MACROD2: variants seen among roughly 807,000 people sequenced by gnomAD.
MACROD2 encodes the protein mono-ADP ribosylhydrolase 2.
MACROD2 carries 36 observed loss-of-function variants against 70.4 expected under a neutral mutation model. That is an observed-to-expected ratio of 0.51 (90% CI 0.39 to 0.68). The LOEUF (loss-of-function observed/expected upper bound fraction) is 0.68, where lower values mean the gene tolerates loss of function less well. MACROD2 is among the 30% of genes least tolerant of loss of function. MACROD2 has a pLI of 0.00. For synonymous variants in MACROD2, 172 were observed against 178.8 expected (o/e 0.96, Z 0.30); for missense variants, 496 against 538.4 (o/e 0.92, Z 0.78).
chr20:15,767,564 T>C (rs1300511811), intron 8 of MACROD2, among the ~76,000 whole-genome samples: 1 of 152,224 alleles, frequency 6.6e-6, no homozygotes, highest in Non-Finnish European at 1.5e-5. Flanking sequence ...CCACCTTGTA[T>C]TGATTATCTT....
chr20:14,843,169 T>TC lies in MACROD2; in HGVS notation c.418+158210_418+158211insC, dbSNP rs968333539. 6.7e-5 allele frequency among the ~76,000 whole-genome samples: 10 copies of TC among 150,008 alleles called. 1 individual carries two copies. Among genetic ancestry groups the TC allele is most frequent in the Non-Finnish European group, 1.5e-4 (10 of 67,214 alleles). ...CTCATTTCATGTTCATTAACTTTTT[T>TC]TTTTTTTTTTTTTGCTGCCTCTAGG... is the stretch of plus-strand genomic sequence containing the variant. On this transcript the variant is annotated intron_variant, in intron 5 of 17. Transcript: ENST00000684519.
intron 4 of MACROD2, among the ~76,000 whole-genome samples, chr20:14,497,223 G>T (rs2084863797): frequency 6.6e-6 from 1 of 151,602 alleles, no homozygotes; most frequent in Admixed American, 6.6e-5. Context: ...CGATACAATG[G>T]CACTGTCTTA....
intron 6 of MACROD2, among the ~76,000 whole-genome samples, chr20:15,375,301 C>T (rs2045547353): frequency 6.6e-6 from 1 of 152,070 alleles, no homozygotes; most frequent in South Asian, 2.1e-4. Flanking sequence ...AACTATCATT[C>T]CTATATAGGG....
intron 5 of MACROD2, among the ~76,000 whole-genome samples, chr20:14,940,423 C>T (rs1186450993): frequency 6.6e-6 from 1 of 152,146 alleles, no homozygotes; most frequent in African/African-American, 2.4e-5. Flanking sequence ...TTGGCCATGA[C>T]TTCTAGTATT....
chr20:15,387,137 G>T (rs749147939), intron 6 of MACROD2, among the ~76,000 whole-genome samples: 3 of 152,126 alleles, frequency 2.0e-5, no homozygotes, highest in Non-Finnish European at 4.4e-5. Context: ...AAATAATACA[G>T]TTAGACTTAG....
intron 8 of MACROD2, among the ~76,000 whole-genome samples, chr20:15,686,778 C>A (rs560488895): frequency 6.7e-6 from 1 of 148,894 alleles, no homozygotes; most frequent in East Asian, 2.0e-4. Flanking sequence ...GAGACTGAAG[C>A]AGGAGAACCA....
At chr20:14,523,276 G>A (rs552513473) in intron 4 of MACROD2, 33 of 152,292 alleles carry the variant, frequency 2.2e-4, no homozygotes, top group African/African-American at 7.7e-4. Flanking sequence ...AGGGGCCCTG[G>A]TGTACTGCTG....
intron 3 of MACROD2, among the ~76,000 whole-genome samples, chr20:14,250,054 A>G (rs1374601736): frequency 6.6e-6 from 1 of 152,026 alleles, no homozygotes; most frequent in East Asian, 1.9e-4. Context: ...ATTGAGGGTA[A>G]TAATTACAAA....
At chr20:15,265,309 A>G (rs1365487436) in intron 6 of MACROD2, among the ~76,000 whole-genome samples, 1 of 152,150 alleles carries the variant, frequency 6.6e-6, no homozygotes, top group African/African-American at 2.4e-5. Context: ...GGAGTATTTG[A>G]GCATCAAAAT....
intron 3 of MACROD2, among the ~76,000 whole-genome samples, chr20:14,226,952 C>T (rs6135096): frequency 0.97 from 147,630 of 152,354 alleles, 71,542 homozygotes; most frequent in Admixed American, 0.99. Flanking sequence ...ATCCACTGGG[C>T]GAAGCCAGCT....
intron 3 of MACROD2, among the ~76,000 whole-genome samples, chr20:14,305,790 G>T (rs1008912183): frequency 6.6e-6 from 1 of 151,468 alleles, no homozygotes; most frequent in African/African-American, 2.4e-5. Flanking sequence ...ATCTTTTTTC[G>T]TATCTCAGAA....
intron 5 of MACROD2, among the ~76,000 whole-genome samples, chr20:14,769,056 C>G (rs763344090): frequency 6.6e-6 from 1 of 151,952 alleles, no homozygotes; most frequent in Non-Finnish European, 1.5e-5. Context: ...AAAAAATGAC[C>G]TCCTTATAGA....
chr20:13,997,630 G>C (rs570378827), intron 1 of MACROD2, among the ~76,000 whole-genome samples: 1 of 152,052 alleles, frequency 6.6e-6, no homozygotes, highest in Non-Finnish European at 1.5e-5. Context: ...TTAATGTCTT[G>C]ATTTCTTTTC....
chr20:14,511,496 T>G (rs2085029652), intron 4 of MACROD2, among the ~76,000 whole-genome samples: 1 of 152,110 alleles, frequency 6.6e-6, no homozygotes, highest in Non-Finnish European at 1.5e-5. Context: ...AGCTAATATC[T>G]GTGATCTTTT....
chr20:16,005,715 G>A (rs997401672), intron 15 of MACROD2, among the ~76,000 whole-genome samples: 7 of 152,074 alleles, frequency 4.6e-5, no homozygotes, highest in South Asian at 2.1e-4. Flanking sequence ...TGTTGTTGTC[G>A]ATCTTTGGCT....
At chr20:15,101,384 GATTT>G (rs1262978176) in intron 5 of MACROD2, among the ~76,000 whole-genome samples, 1 of 151,546 alleles carries the variant, frequency 6.6e-6, no homozygotes, top group Non-Finnish European at 1.5e-5. Flanking sequence ...TTCTATTTTT[GATTT>G]ATTTGAATCC....
intron 5 of MACROD2, among the ~76,000 whole-genome samples, chr20:14,709,221 T>G (rs1191909594): frequency 7.1e-6 from 1 of 140,736 alleles, no homozygotes; most frequent in East Asian, 2.2e-4. Flanking sequence ...AACACTAAAA[T>G]ACTTACTTTT....
chr20:14,207,967 CTAA>C (rs1287190565), intron 3 of MACROD2, among the ~76,000 whole-genome samples: 4 of 152,114 alleles, frequency 2.6e-5, no homozygotes, highest in Non-Finnish European at 5.9e-5. Context: ...TTGTTTATTG[CTAA>C]TAATTGTCTT....
chr20:15,222,289 A>G (rs1176681520), intron 5 of MACROD2, among the ~76,000 whole-genome samples: 1 of 152,198 alleles, frequency 6.6e-6, no homozygotes, highest in Admixed American at 6.5e-5. Flanking sequence ...GGAACATCTT[A>G]TAGACAATTG....
Sources: allele counts gnomAD v4.1 joint callset (sites outside exome capture counted in the v4.1 genomes callset), GRCh38; gene constraint gnomAD v4.1.1; transcripts MANE v1.5; gene names NCBI Gene and HGNC (gene_info 2026-07-23, HGNC 2026-07-21).